The following ADAMTS14 variants were observed in gnomAD, a reference collection of about 807,000 sequenced individuals.
ADAMTS14 encodes the protein ADAM metallopeptidase with thrombospondin type 1 motif 14.
In ADAMTS14, 100 loss-of-function variants were observed where a neutral mutation model predicts 128.6. The observed-to-expected ratio is 0.78, with a 90% CI of 0.66 to 0.92. The LOEUF (loss-of-function observed/expected upper bound fraction) is 0.92, where lower values mean the gene tolerates loss of function less well. ADAMTS14 is among the 40% of genes least tolerant of loss of function. The pLI is 0.00. For synonymous variants in ADAMTS14, 665 were observed against 653.8 expected (o/e 1.02, Z -0.26); for missense variants, 1,562 against 1,658.6 (o/e 0.94, Z 1.01).
chr10:70,709,841 G>A (rs780080281), intron 4 of ADAMTS14, among the ~76,000 whole-genome samples: 3 of 152,184 alleles, frequency 2.0e-5, no homozygotes, highest in Non-Finnish European at 2.9e-5. Context: ...AACCCACTGT[G>A]GATGCCAAAC....
At chr10:70,712,301 G>A (rs1039017482) in intron 4 of ADAMTS14, among the ~76,000 whole-genome samples, 1 of 152,216 alleles carries the variant, frequency 6.6e-6, no homozygotes, top group African/African-American at 2.4e-5. Flanking sequence ...AAGAGTGGTA[G>A]GAACCTGGGT....
chr10:70,700,234 C>T (rs369047871), intron 2 of ADAMTS14, among the ~76,000 whole-genome samples: 5 of 152,080 alleles, frequency 3.3e-5, no homozygotes, highest in African/African-American at 1.2e-4. Flanking sequence ...TTGGGCTCAA[C>T]CTCTGTCCCT....
At position 70,740,969 on chromosome 10, in the gene ADAMTS14, T is replaced by C. The variant is rs1200741242; in HGVS notation, c.1749-18T>C. The C allele has an allele frequency of 6.2e-7, 1 of 1,610,204 alleles. No individual in the cohort carries two copies. The highest frequency in any genetic ancestry group is 2.2e-5 in the East Asian group (1 of 44,778). ...TTCCCAGCCAGCAAGGTCATCCATT[T>C]CTCTGTGTCTGTCCCAGCCCAGCCT... On this transcript the variant is annotated intron_variant, in intron 11 of 21. Coordinates refer to ENST00000373207, the MANE Select transcript of ADAMTS14 (RefSeq NM_080722.4).
At chr10:70,751,886 C>G (rs1444718015) in intron 17 of ADAMTS14, among the ~76,000 whole-genome samples, 1 of 152,236 alleles carries the variant, frequency 6.6e-6, no homozygotes, top group Non-Finnish European at 1.5e-5. Context: ...ACTGTGGGGA[C>G]AGACAGCTGT....
At chr10:70,712,066 G>A (rs528122714) in intron 4 of ADAMTS14, among the ~76,000 whole-genome samples, 1 of 152,180 alleles carries the variant, frequency 6.6e-6, no homozygotes, top group African/African-American at 2.4e-5. Flanking sequence ...AGAGGGAGGG[G>A]AGGGAGAGGA....
chr10:70,730,600 G>A (rs1282143997), intron 6 of ADAMTS14, among the ~76,000 whole-genome samples: 1 of 152,112 alleles, frequency 6.6e-6, no homozygotes, highest in South Asian at 2.1e-4. Flanking sequence ...GCAGACTGTG[G>A]GACACCTAAG....
At position 70,760,374 on chromosome 10, in the gene ADAMTS14, G is replaced by A. The variant is rs150312666; in HGVS notation, c.3193G>A (p.Gly1065Arg). 1.1e-5 allele frequency: 17 copies of A among 1,579,204 alleles called. No individual in the cohort carries two copies. The African/African-American group carries it at 1.9e-4, about 18-fold the overall frequency. The part of the protein sequence containing the change: ...NKISSTEPCT[G>R]DRSVFCQMEV... Reference sequence around the variant, plus strand: ...TGTGTGTGCAGCGGAGCCCTGCACGGGAGACAGGTCTGTCTTCTGCCAGAT... The same window carrying A: ...TGTGTGTGCAGCGGAGCCCTGCACGAGAGACAGGTCTGTCTTCTGCCAGAT... Residue 1065 changes from glycine to arginine, a missense_variant, in exon 22 of 22, where the codon GGA (glycine) becomes AGA (arginine). Physicochemically the swap from Gly to Arg is moderately radical, Grantham distance 125. Transcript: ENST00000373207.
intron 2 of ADAMTS14, among the ~76,000 whole-genome samples, chr10:70,679,303 G>A (rs1428950395): frequency 1.3e-5 from 2 of 152,194 alleles, no homozygotes; most frequent in South Asian, 2.1e-4. Flanking sequence ...TGGGGGCGGG[G>A]CCTGGTCCTG....
At position 70,732,338 on chromosome 10, in the gene ADAMTS14, T is replaced by C; in HGVS notation, c.1187T>C (p.Ile396Thr). Residue 396 changes from isoleucine to threonine, a missense_variant, in exon 7 of 22, where the codon ATA (isoleucine) becomes ACA (threonine). Coordinates refer to ENST00000373207, the MANE Select transcript of ADAMTS14 (RefSeq NM_080722.4). ...HEDGFSSAFV[I>T]AHETGHVLGM... ...GATGGCTTCTCCTCAGCCTTCGTGA[T>C]AGCTCATGAGACCGGCCACGTGTAA... 6.2e-7 allele frequency: 1 copy of C among 1,614,126 alleles called. No homozygotes were observed.
At chr10:70,753,244 A>G (rs1842398931) in intron 18 of ADAMTS14, among the ~76,000 whole-genome samples, 1 of 152,186 alleles carries the variant, frequency 6.6e-6, no homozygotes, top group South Asian at 2.1e-4. Flanking sequence ...TGCGCTTAAG[A>G]TGCTGTTGGA....
chr10:70,714,236 T>C (rs962078928), intron 4 of ADAMTS14, among the ~76,000 whole-genome samples: 2 of 152,186 alleles, frequency 1.3e-5, no homozygotes, highest in Admixed American at 6.5e-5. Context: ...TTATTAGTAT[T>C]GTTTTTGAGC....
At chr10:70,710,377 C>T (rs1330902168) in intron 4 of ADAMTS14, among the ~76,000 whole-genome samples, 1 of 152,230 alleles carries the variant, frequency 6.6e-6, no homozygotes, top group East Asian at 1.9e-4. Context: ...CCAAAGCTTC[C>T]AGCCCCTGCA....
intron 2 of ADAMTS14, among the ~76,000 whole-genome samples, chr10:70,685,830 G>A (rs77389221): frequency 0.017 from 2,646 of 152,288 alleles, 38 homozygotes; most frequent in Non-Finnish European, 0.025. Context: ...GGGAGGTGAA[G>A]GGGCCTGGGG....
At chr10:70,716,673 T>G (rs1327323679) in intron 4 of ADAMTS14, among the ~76,000 whole-genome samples, 1 of 152,230 alleles carries the variant, frequency 6.6e-6, no homozygotes, top group Non-Finnish European at 1.5e-5. Flanking sequence ...AACACCTGTC[T>G]GCTGTGACCA....
chr10:70,708,741 A>G lies in ADAMTS14; in HGVS notation c.833A>G (p.Glu278Gly). Reference protein sequence around the residue: ...DDSVVRFHGKEHVQNYVLTLM... With the variant: ...DDSVVRFHGKGHVQNYVLTLM... Reference sequence around the variant, plus strand: ...TCGGTGGTTCGCTTCCATGGCAAGGAGCATGTGCAGAACTATGTCCTCACC... The same window carrying G: ...TCGGTGGTTCGCTTCCATGGCAAGGGGCATGTGCAGAACTATGTCCTCACC... Residue 278 changes from glutamate (E) to glycine (G), a missense_variant, in exon 4 of 22, where the codon GAG (glutamate) becomes GGG (glycine). Coordinates refer to ENST00000373207, the MANE Select transcript of ADAMTS14 (RefSeq NM_080722.4). The G allele has an allele frequency of 3.8e-6, 6 of 1,564,592 alleles. No individual in the cohort carries two copies. Among genetic ancestry groups the G allele is most frequent in the Middle Eastern group, 1.7e-4 (1 of 5,792 alleles).
chr10:70,707,574 G>T (rs1840705364), intron 3 of ADAMTS14, among the ~76,000 whole-genome samples: 1 of 152,178 alleles, frequency 6.6e-6, no homozygotes, highest in Non-Finnish European at 1.5e-5. Flanking sequence ...TAGCATAGAT[G>T]ACTGACAGCG....
chr10:70,725,405 C>G (rs1330132882), intron 4 of ADAMTS14, among the ~76,000 whole-genome samples: 1 of 152,124 alleles, frequency 6.6e-6, no homozygotes, highest in Non-Finnish European at 1.5e-5. Flanking sequence ...CCTGTTTGGG[C>G]TGCTGTAACA....
chr10:70,713,743 T>G (rs1327804275), intron 4 of ADAMTS14, among the ~76,000 whole-genome samples: 1 of 152,114 alleles, frequency 6.6e-6, no homozygotes, highest in Non-Finnish European at 1.5e-5. Context: ...CCGCTGTGTA[T>G]GGGGGTGAGT....
At chr10:70,687,729 TG>T (rs1453415462) in intron 2 of ADAMTS14, among the ~76,000 whole-genome samples, 1 of 8,600 alleles carries the variant, frequency 1.2e-4, no homozygotes, top group African/African-American at 4.6e-4. Flanking sequence ...GCTGGCCGGG[TG>T]GGGGGGCTGA....
Sources: allele counts gnomAD v4.1 joint callset (sites outside exome capture counted in the v4.1 genomes callset), GRCh38; gene constraint gnomAD v4.1.1; transcripts MANE v1.5; gene names NCBI Gene and HGNC (gene_info 2026-07-23, HGNC 2026-07-21).